The following COL22A1 variants were observed in gnomAD, a reference collection of about 807,000 sequenced individuals.
The protein encoded by COL22A1 is collagen alpha-1(XXII) chain.
Under a neutral mutation model 248.9 loss-of-function variants are expected in COL22A1, and 221 were observed. The ratio of observed to expected loss-of-function variants is 0.89; its 90% CI spans 0.80 to 0.99. COL22A1 has a LOEUF of 0.99. Ranked by LOEUF, COL22A1 falls within the 50% of genes least tolerant of loss-of-function variation. The pLI, the probability that COL22A1 is intolerant of heterozygous loss-of-function variation, is 0.00. For synonymous variants in COL22A1, 891 were observed against 793.4 expected (o/e 1.12, Z -2.07); for missense variants, 2,240 against 2,179.0 (o/e 1.03, Z -0.56).
At chr8:138,883,015 A>T (rs544641667) in intron 2 of COL22A1, 67 bp downstream of exon 2, 4 of 1,373,940 alleles carry the variant, frequency 2.9e-6, no homozygotes, top group Non-Finnish European at 4.0e-6. Context: ...ACCACAGCCC[A>T]TGCTCACGGA....
chr8:138,724,465 C>G, intron 25 of COL22A1, 150 bp downstream of exon 25: 1 of 714,334 alleles, frequency 1.4e-6, no homozygotes, highest in Non-Finnish European at 2.4e-6. Context: ...GAAAGAAGAC[C>G]CAGCTGAGCT....
intron 30 of COL22A1, among the ~76,000 whole-genome samples, chr8:138,704,842 G>A (rs1356246640): frequency 6.6e-6 from 1 of 152,208 alleles, no homozygotes; most frequent in Non-Finnish European, 1.5e-5. Flanking sequence ...TGAGCTAAAG[G>A]AGGATGTTCG....
rs145076214 is a variant in COL22A1, at chr8:138,635,192, A to G, written c.3556-129T>C. ...CCTACTAACAATTTTGCTTAAAGAC[A>G]CTGACAATAAAAGGGACTTCTTTTT... On this transcript the variant is annotated intron_variant, in intron 48 of 64. Transcript: ENST00000303045. 5,344 of 659,580 alleles carry G rather than the reference A, an allele frequency of 8.1e-3. 54 individuals carry two copies. The highest frequency in any genetic ancestry group is 0.027 in the South Asian group (1,291 of 47,514). 40.9% of individuals were successfully genotyped at this position (659,580 alleles called of 1,614,324 possible).
At chr8:138,871,727 A>G (rs1419409721) in intron 3 of COL22A1, among the ~76,000 whole-genome samples, 1 of 152,148 alleles carries the variant, frequency 6.6e-6, no homozygotes, top group Non-Finnish European at 1.5e-5. Flanking sequence ...AAGAGTGGGT[A>G]AAAGCATCCG....
At chr8:138,811,736 T>C in intron 9 of COL22A1, 63 bp downstream of exon 9, 1 of 1,605,224 alleles carries the variant, frequency 6.2e-7, no homozygotes, top group South Asian at 1.1e-5. Context: ...ACATGCATGA[T>C]GGGAAACTCC....
At chr8:138,749,974 G>A (rs1456582820) in intron 22 of COL22A1, among the ~76,000 whole-genome samples, 9 of 152,304 alleles carry the variant, frequency 5.9e-5, no homozygotes, top group South Asian at 2.1e-4. Flanking sequence ...GGAGGAACCC[G>A]GTGGGAGGTG....
intron 50 of COL22A1, among the ~76,000 whole-genome samples, chr8:138,628,093 G>C (rs2131983308): frequency 6.6e-6 from 1 of 152,130 alleles, no homozygotes; most frequent in East Asian, 1.9e-4. Context: ...TTTCAAAAAA[G>C]TAACAAAAAC....
Position 138,833,654 on chromosome 8 carries a change from G to A in COL22A1, c.734-504C>T, listed in dbSNP as rs1209289356. Among the ~76,000 whole-genome samples the A allele has an allele frequency of 5.3e-5, 8 of 152,336 alleles. No homozygotes were observed. The East Asian group carries it at 1.5e-3, about 29-fold the overall frequency. ...GAGAAACATCAGAGAGGAATAAACT[G>A]TCTTCATGGTACTGCATTATTTGAA... On this transcript the variant is annotated intron_variant, in intron 4 of 64. Transcript: ENST00000303045.
At position 138,647,698 on chromosome 8, in the gene COL22A1, C is replaced by T. The variant is rs188104473; in HGVS notation, c.3448-1016G>A. ...CTACCCAGGTGGGAGGGTGGGGGTT[C>T]GTGGCCCCCTGCCAGGTCCTGCCAG... On this transcript the variant is annotated intron_variant, in intron 46 of 64. Transcript: ENST00000303045. 2.6e-5 allele frequency among the ~76,000 whole-genome samples: 4 copies of T among 152,182 alleles called. No individual in the cohort carries two copies. The East Asian group carries it at 5.8e-4, about 22-fold the overall frequency.
At chr8:138,807,947 C>A (rs1480326743) in intron 9 of COL22A1, 135 bp from the exon 10 acceptor site, 2 of 816,854 alleles carry the variant, frequency 2.4e-6, no homozygotes, top group African/African-American at 1.7e-5. Context: ...ATGAGTTGGG[C>A]AAGGAAATTG....
chr8:138,730,753 G>A (rs1830650786), intron 23 of COL22A1, among the ~76,000 whole-genome samples: 1 of 152,100 alleles, frequency 6.6e-6, no homozygotes, highest in Non-Finnish European at 1.5e-5. Flanking sequence ...GCATGGTAGA[G>A]AAATCAGGAG....
rs59799793 is a variant in COL22A1 at position 138,639,481 on chromosome 8, T to TA, written c.3502-2687dup. ...GATATATAACAATCAATGAAACAGA[T>TA]AAAAACCATGTGCACTGGGCATTCA... On this transcript the variant is annotated intron_variant, in intron 47 of 64. Transcript: ENST00000303045. 5.2e-3 allele frequency among the ~76,000 whole-genome samples: 794 copies of TA among 152,258 alleles called. 19 individuals are homozygous for TA. The East Asian group carries it at 0.095, about 18-fold the overall frequency.
intron 5 of COL22A1, among the ~76,000 whole-genome samples, chr8:138,831,754 C>A (rs1004748681): frequency 1.3e-5 from 2 of 150,750 alleles, no homozygotes; most frequent in African/African-American, 2.4e-5. Context: ...GGACCTTCCT[C>A]TTCCTGGCCT....
At chr8:138,633,568 T>C (rs1015252044) in intron 49 of COL22A1, among the ~76,000 whole-genome samples, 1 of 152,242 alleles carries the variant, frequency 6.6e-6, no homozygotes, top group Non-Finnish European at 1.5e-5. Context: ...GAGCACAATG[T>C]CATTTAGGAA....
chr8:138,595,663 T>C (rs1817481275), intron 62 of COL22A1, among the ~76,000 whole-genome samples: 1 of 152,086 alleles, frequency 6.6e-6, no homozygotes, highest in Admixed American at 6.5e-5. Flanking sequence ...TTTTCCTGCA[T>C]GGAAATGGAC....
At chr8:138,876,606 C>T (rs1823734572) in intron 3 of COL22A1, among the ~76,000 whole-genome samples, 1 of 152,218 alleles carries the variant, frequency 6.6e-6, no homozygotes, top group Admixed American at 6.5e-5. Context: ...CAGCCTAGAG[C>T]CACCCCAGTT....
chr8:138,766,720 A>G (rs1380114240), intron 16 of COL22A1, among the ~76,000 whole-genome samples: 1 of 152,142 alleles, frequency 6.6e-6, no homozygotes, highest in African/African-American at 2.4e-5. Flanking sequence ...AGGGACAGGG[A>G]GAGAGACAGA....
chr8:138,865,805 GTA>G (rs1316355506), intron 3 of COL22A1, among the ~76,000 whole-genome samples: 27 of 150,702 alleles, frequency 1.8e-4, no homozygotes, highest in South Asian at 4.2e-4. Flanking sequence ...GTGTGTGTGT[GTA>G]TGTTTGTATG....
chr8:138,705,151 C>A (rs567933004), intron 30 of COL22A1, among the ~76,000 whole-genome samples: 19 of 152,254 alleles, frequency 1.2e-4, no homozygotes, highest in Non-Finnish European at 1.2e-4. Flanking sequence ...CAAATCTACA[C>A]CTGATTGGTG....
Sources: gnomAD v4.1 joint callset for allele counts (sites outside exome capture counted in the v4.1 genomes callset) on GRCh38, gnomAD v4.1.1 for gene constraint, MANE v1.5 for transcripts, NCBI Gene and HGNC (gene_info 2026-07-23, HGNC 2026-07-21) for gene names.